The following SMG7 variants were observed in gnomAD, a reference collection of about 807,000 sequenced individuals.
SMG7 encodes nonsense-mediated mRNA decay factor SMG7.
SMG7 carries 34 observed loss-of-function variants against 148.2 expected under a neutral mutation model. That is an observed-to-expected ratio of 0.23 (90% CI 0.17 to 0.31). The LOEUF is 0.31. Ranked by LOEUF, SMG7 falls within the 10% of genes least tolerant of loss-of-function variation. The pLI, the probability that SMG7 is intolerant of heterozygous loss-of-function variation, is 1.00. For synonymous variants in SMG7, 492 were observed against 515.1 expected (o/e 0.96, Z 0.61); for missense variants, 1,114 against 1,408.4 (o/e 0.79, Z 3.35).
At chr1:183,515,474 G>C (rs1357864472) in intron 2 of SMG7, among the ~76,000 whole-genome samples, 1 of 152,088 alleles carries the variant, frequency 6.6e-6, no homozygotes, top group African/African-American at 2.4e-5. Flanking sequence ...TGGAAAAAGA[G>C]ATACAGTATG....
intron 1 of SMG7, among the ~76,000 whole-genome samples, chr1:183,512,413 A>G (rs754680304): frequency 2.0e-5 from 3 of 152,200 alleles, no homozygotes; most frequent in Non-Finnish European, 4.4e-5. Context: ...AGGAAGGGAC[A>G]TAGGAATCAG....
intron 1 of SMG7, among the ~76,000 whole-genome samples, chr1:183,479,798 G>C (rs1363104559): frequency 6.6e-6 from 1 of 152,168 alleles, no homozygotes; most frequent in African/African-American, 2.4e-5. Context: ...CAGAGGTGGA[G>C]ATGGGGTGGA....
intron 18 of SMG7, among the ~76,000 whole-genome samples, chr1:183,547,459 G>C (rs1419394324): frequency 6.6e-6 from 1 of 152,154 alleles, no homozygotes; most frequent in African/African-American, 2.4e-5. Context: ...CCCAAATCAT[G>C]GAGACATACC....
At chr1:183,498,518 CAAAA>C (rs1446538793) in intron 1 of SMG7, among the ~76,000 whole-genome samples, 1 of 152,142 alleles carries the variant, frequency 6.6e-6, no homozygotes, top group Non-Finnish European at 1.5e-5. Context: ...AAACAAAAAA[CAAAA>C]AACACTGTTT....
intron 1 of SMG7, among the ~76,000 whole-genome samples, chr1:183,487,626 C>G (rs1193180246): frequency 6.6e-6 from 1 of 152,208 alleles, no homozygotes; most frequent in East Asian, 1.9e-4. Context: ...CTTTGCATCC[C>G]TGATCCTAAC....
chr1:183,472,782 G>C, intron 1 of SMG7, 133 bp downstream of exon 1: 1 of 755,180 alleles, frequency 1.3e-6, no homozygotes, highest in South Asian at 3.1e-5. Flanking sequence ...GGTCGGCGGA[G>C]ACTGCAAGGG....
At chr1:183,498,439 G>C (rs1450450725) in intron 1 of SMG7, among the ~76,000 whole-genome samples, 2 of 152,260 alleles carry the variant, frequency 1.3e-5, no homozygotes, top group Admixed American at 1.3e-4. Context: ...TAAAGAAGGA[G>C]CCTAGGAGGT....
chr1:183,536,730 C>T (rs1249519327), intron 10 of SMG7, among the ~76,000 whole-genome samples: 1 of 152,114 alleles, frequency 6.6e-6, no homozygotes, highest in African/African-American at 2.4e-5. Flanking sequence ...GTGGTATAAC[C>T]ATACCCTGTC....
chr1:183,521,509 C>G (rs1664761820), intron 4 of SMG7, among the ~76,000 whole-genome samples: 1 of 152,112 alleles, frequency 6.6e-6, no homozygotes, highest in African/African-American at 2.4e-5. Flanking sequence ...ATATTTAGCA[C>G]CAGATTGAGA....
In SMG7 at chr1:183,472,554, G is replaced by C; in HGVS notation, c.-67G>C. ...GCCGCCAGCACCCGCGGTGCCGCGG[G>C]GCCGCTCCGAGGAGCCTGAGAGACC... On this transcript the variant is annotated 5_prime_UTR_variant, in exon 1 of 23. Coordinates refer to ENST00000688051, the MANE Select transcript of SMG7 (RefSeq NM_001375584.1). 2 of 1,354,644 alleles carry C rather than the reference G, an allele frequency of 1.5e-6. No homozygotes were observed. The highest frequency in any genetic ancestry group is 1.7e-5 in the South Asian group (1 of 59,112). 83.9% of individuals were successfully genotyped at this position (1,354,644 alleles called of 1,614,324 possible).
chr1:183,527,385 T>TCAAACTTA lies in SMG7; in HGVS notation c.485-570_485-569insAAACTTAC, dbSNP rs1666067562. ...GCTTTTAAGTTTGAAATTTTAGATT[T>TCAAACTTA]CTTAATATTGTAAGTCAGCGGTTCC... On this transcript the variant is annotated intron_variant, in intron 5 of 22. Coordinates refer to ENST00000688051, the MANE Select transcript of SMG7 (RefSeq NM_001375584.1). This position sits in a 1 kb window ranked among gnomAD's most constrained non-coding sequence, Gnocchi z 4.0. Among the ~76,000 whole-genome samples the TCAAACTTA allele has an allele frequency of 6.6e-6, 1 of 152,228 alleles. No homozygotes were observed. The highest frequency in any genetic ancestry group is 6.5e-5 in the Admixed American group (1 of 15,276).
intron 1 of SMG7, among the ~76,000 whole-genome samples, chr1:183,505,798 C>G (rs1201990221): frequency 6.6e-6 from 1 of 152,226 alleles, no homozygotes; most frequent in East Asian, 1.9e-4. Context: ...ACTCTTTCCT[C>G]TGCTTTATCT....
intron 1 of SMG7, among the ~76,000 whole-genome samples, chr1:183,501,682 TAA>T (rs1414099071): frequency 2.6e-5 from 4 of 152,182 alleles, no homozygotes; most frequent in Non-Finnish European, 4.4e-5. Context: ...CATTAGATTT[TAA>T]ATCCATGGCA....
intron 1 of SMG7, among the ~76,000 whole-genome samples, chr1:183,486,434 G>A (rs1004072707): frequency 2.0e-5 from 3 of 152,068 alleles, no homozygotes; most frequent in African/African-American, 4.8e-5. Flanking sequence ...TGTGTGTGAC[G>A]GATTCTTACT....
At chr1:183,510,140 A>G (rs1025733702) in intron 1 of SMG7, among the ~76,000 whole-genome samples, 1 of 152,200 alleles carries the variant, frequency 6.6e-6, no homozygotes, top group African/African-American at 2.4e-5. Context: ...ATAAATTTTT[A>G]GCTAACATAG....
Position 183,537,221 on chromosome 1 carries a change from GGCTACCCTAACCTTGT to G in SMG7, c.1234+8_1234+23del. 1 of 1,599,498 alleles carries G rather than the reference GGCTACCCTAACCTTGT, an allele frequency of 6.3e-7. No individual in the cohort carries two copies. The highest frequency in any genetic ancestry group is 1.3e-5 in the African/African-American group (1 of 74,612). ...GGACCTCTCAAGTATTAGTGGTAAG[GGCTACCCTAACCTTGT>G]GTTGTTGATGTGGTTCTCCATCATT... is the stretch of plus-strand genomic sequence containing the variant. On this transcript the variant is annotated splice_region_variant and intron_variant, in intron 11 of 22. Coordinates refer to ENST00000688051, the MANE Select transcript of SMG7 (RefSeq NM_001375584.1).
In SMG7 at chr1:183,546,193, C is replaced by G; in HGVS notation, c.2598C>G (p.Val866=). The G allele has an allele frequency of 6.2e-7, 1 of 1,614,048 alleles. No homozygotes were observed. Among genetic ancestry groups the G allele is most frequent in the Non-Finnish European group, 8.5e-7 (1 of 1,179,988 alleles). The part of the protein sequence containing the change: ...PYNHNPSEVK[V]PEFYWDSSYS... Reference sequence around the variant, plus strand: ...ACCATAATCCCTCAGAAGTCAAGGTCCCAGAATTCTACTGGGATTCTTCCT... The same window carrying G: ...ACCATAATCCCTCAGAAGTCAAGGTGCCAGAATTCTACTGGGATTCTTCCT... Residue 866 remains valine (V), a synonymous_variant, in exon 17 of 23, where the codon GTC becomes GTG. Coordinates refer to ENST00000688051, the MANE Select transcript of SMG7 (RefSeq NM_001375584.1).
chr1:183,504,407 C>A (rs1045385633), intron 1 of SMG7, among the ~76,000 whole-genome samples: 2 of 150,044 alleles, frequency 1.3e-5, no homozygotes, highest in African/African-American at 4.9e-5. Context: ...ATGGTGTGAT[C>A]TCGGCTCACT....
chr1:183,488,027 G>C (rs138765447), intron 1 of SMG7, among the ~76,000 whole-genome samples: 1 of 152,346 alleles, frequency 6.6e-6, no homozygotes, highest in East Asian at 1.9e-4. Flanking sequence ...GCCAGAGCAA[G>C]AGTGGAAAGC....
Sources: allele counts gnomAD v4.1 joint callset (sites outside exome capture counted in the v4.1 genomes callset), GRCh38; gene constraint gnomAD v4.1.1; non-coding constraint Gnocchi (gnomAD v3.1); transcripts MANE v1.5; gene names NCBI Gene and HGNC (gene_info 2026-07-23, HGNC 2026-07-21).